SYNPR: variants seen among roughly 807,000 people sequenced by gnomAD.
SYNPR encodes synaptoporin.
Under a neutral mutation model 32.9 loss-of-function variants are expected in SYNPR, and 23 were observed. The observed-to-expected ratio is 0.70, with a 90% confidence interval of 0.50 to 0.99. The LOEUF is 0.99. Among genes scored for constraint, SYNPR ranks in the 50% least tolerant of loss-of-function variants. SYNPR has a pLI of 0.00. For synonymous variants in SYNPR, 146 were observed against 135.9 expected, an observed-to-expected ratio of 1.07 and a Z score of -0.52; for missense variants, 318 against 349.3, an observed-to-expected ratio of 0.91 and a Z score of 0.71.
At chr3:63,433,718 G>A (rs759547795) in intron 2 of SYNPR, among the ~76,000 whole-genome samples, 1 of 152,126 alleles carries the variant, frequency 6.6e-6, no homozygotes, top group Non-Finnish European at 1.5e-5. Flanking sequence ...TCGGGAAGGT[G>A]TAAATTAGAA....
chr3:63,526,917 A>ATCCAT (rs1448389171), intron 3 of SYNPR, among the ~76,000 whole-genome samples: 4 of 152,192 alleles, frequency 2.6e-5, no homozygotes, highest in African/African-American at 4.8e-5. Context: ...TTGGAATCCA[A>ATCCAT]TCCCATCTTC....
chr3:63,582,838 T>C (rs1413791167), intron 4 of SYNPR, among the ~76,000 whole-genome samples: 1 of 152,054 alleles, frequency 6.6e-6, no homozygotes, highest in Non-Finnish European at 1.5e-5. Flanking sequence ...GCCTCTGTAT[T>C]TTCACCTGTT....
At chr3:63,480,253 C>T (rs1254785573) in intron 2 of SYNPR, among the ~76,000 whole-genome samples, 1 of 152,130 alleles carries the variant, frequency 6.6e-6, no homozygotes, top group Non-Finnish European at 1.5e-5. Context: ...AGAGATGTAA[C>T]CACCAGTGAA....
At chr3:63,443,317 T>G (rs1434735464) in intron 2 of SYNPR, 1 of 1,497,458 alleles carries the variant, frequency 6.7e-7, no homozygotes, top group Non-Finnish European at 8.9e-7. Context: ...ATTTTCTTCT[T>G]CTCCTCCTTT....
chr3:63,247,590 T>C (rs957051295), intron 1 of SYNPR, among the ~76,000 whole-genome samples: 2 of 151,862 alleles, frequency 1.3e-5, no homozygotes, highest in African/African-American at 4.8e-5. Flanking sequence ...TACCTGAGAG[T>C]GTTGCTTTCC....
intron 2 of SYNPR, among the ~76,000 whole-genome samples, chr3:63,464,344 C>T (rs1700640293): frequency 6.6e-6 from 1 of 152,132 alleles, no homozygotes; most frequent in Non-Finnish European, 1.5e-5. Flanking sequence ...AGGATGGTCC[C>T]TGCCTCAAAG....
At chr3:63,387,047 T>C (rs1488990718) in intron 2 of SYNPR, among the ~76,000 whole-genome samples, 6 of 152,198 alleles carry the variant, frequency 3.9e-5, no homozygotes, top group Admixed American at 1.3e-4. Flanking sequence ...TTGCCTTCTC[T>C]TGAATCAGGA....
intron 2 of SYNPR, among the ~76,000 whole-genome samples, chr3:63,384,090 T>C (rs2088010580): frequency 6.6e-6 from 1 of 152,230 alleles, no homozygotes; most frequent in Admixed American, 6.5e-5. Context: ...ATCACATCAA[T>C]TTGAGGGCAG....
At chr3:63,450,259 G>A (rs549598793) in intron 2 of SYNPR, among the ~76,000 whole-genome samples, 3 of 152,234 alleles carry the variant, frequency 2.0e-5, no homozygotes, top group African/African-American at 4.8e-5. Context: ...GAGAGAGTGC[G>A]GGTTTTGAAG....
At chr3:63,245,698 AGAGAGAGAGAGAGTGTGT>A (rs1415510633) in intron 1 of SYNPR, among the ~76,000 whole-genome samples, 11 of 75,386 alleles carry the variant, frequency 1.5e-4, no homozygotes, top group African/African-American at 7.7e-4. Flanking sequence ...AGAGAGAGAG[AGAGAGAGAGAGAGTGTGT>A]GTGTGTGTGT....
chr3:63,365,969 T>A (rs2087725233), intron 2 of SYNPR, among the ~76,000 whole-genome samples: 1 of 152,204 alleles, frequency 6.6e-6, no homozygotes, highest in African/African-American at 2.4e-5. Context: ...GATGTTCTAT[T>A]CCCTTCTTTC....
At chr3:63,322,652 A>T (rs184963401) in intron 2 of SYNPR, among the ~76,000 whole-genome samples, 81 of 152,044 alleles carry the variant, frequency 5.3e-4, no homozygotes, top group African/African-American at 1.8e-3. Flanking sequence ...CCATTCTACA[A>T]ACAAAAAACT....
intron 3 of SYNPR, among the ~76,000 whole-genome samples, chr3:63,519,457 T>A (rs1159652041): frequency 6.6e-6 from 1 of 152,140 alleles, no homozygotes; most frequent in African/African-American, 2.4e-5. Flanking sequence ...GTTCCCTGAG[T>A]TCCCTTCTTC....
chr3:63,316,032 G>T (rs931722515), intron 2 of SYNPR, among the ~76,000 whole-genome samples: 8 of 151,998 alleles, frequency 5.3e-5, no homozygotes, highest in African/African-American at 1.9e-4. Flanking sequence ...TTTATGTGGT[G>T]TATCACATTT....
chr3:63,469,863 T>A lies in SYNPR; in HGVS notation c.85-10969T>A, dbSNP rs147586089. Among the ~76,000 whole-genome samples the A allele has an allele frequency of 7.0e-3, 1,059 of 152,336 alleles. 8 individuals are homozygous for A. The highest frequency in any genetic ancestry group is 0.024 in the African/African-American group (990 of 41,584). ...TCTGTAAATATAATAAATTTGAAAG[T>A]ACTATTGAAGATAATTCCAAAGGGA... is the stretch of plus-strand genomic sequence containing the variant. On this transcript the variant is annotated intron_variant, in intron 2 of 5. Transcript: ENST00000478300.
At chr3:63,418,885 G>A (rs1167546583) in intron 2 of SYNPR, among the ~76,000 whole-genome samples, 1 of 152,202 alleles carries the variant, frequency 6.6e-6, no homozygotes, top group Non-Finnish European at 1.5e-5. Flanking sequence ...AATCTGGAAA[G>A]TCTGGTCACA....
intron 3 of SYNPR, among the ~76,000 whole-genome samples, chr3:63,524,896 A>T (rs1701983145): frequency 6.9e-6 from 1 of 144,914 alleles, no homozygotes. Flanking sequence ...AGAGAGAGAG[A>T]GAAGTCAGCT....
chr3:63,360,652 C>G (rs572246474), intron 2 of SYNPR, among the ~76,000 whole-genome samples: 2 of 152,266 alleles, frequency 1.3e-5, no homozygotes, highest in East Asian at 3.9e-4. Context: ...TTTGAACATA[C>G]TAGTTCATTT....
rs200747988 is a variant in SYNPR at position 63,494,583 on chromosome 3, CA to C, written c.209+13633del. On this transcript the variant is annotated intron_variant, in intron 3 of 5. Coordinates refer to ENST00000478300, the MANE Select transcript of SYNPR (RefSeq NM_001130003.2). ...TTGTCATCGATATCATTATTATCAT[CA>C]AAAAAGGCCACTATTGATAAGTTTA... is the stretch of plus-strand genomic sequence containing the variant. 1.3e-3 allele frequency among the ~76,000 whole-genome samples: 195 copies of C among 150,314 alleles called. 4 individuals carry two copies. In the East Asian group the frequency reaches 0.035, roughly 27 times the overall value.
Sources: gnomAD v4.1 joint callset for allele counts (sites outside exome capture counted in the v4.1 genomes callset) on GRCh38, gnomAD v4.1.1 for gene constraint, MANE v1.5 for transcripts, NCBI Gene and HGNC (gene_info 2026-07-23, HGNC 2026-07-21) for gene names.